DNAH5: variants seen among roughly 807,000 people sequenced by gnomAD.
DNAH5 encodes axonemal beta dynein heavy chain 5.
DNAH5 carries 372 observed loss-of-function variants against 518.2 expected under a neutral mutation model. The observed-to-expected ratio is 0.72, with a 90% CI of 0.66 to 0.78. The LOEUF (loss-of-function observed/expected upper bound fraction) is 0.78. Among genes scored for constraint, DNAH5 ranks in the 30% least tolerant of loss-of-function variants. DNAH5 has a pLI of 0.00. For synonymous variants in DNAH5, 2,039 were observed against 2,025.9 expected (o/e 1.01, Z -0.17); for missense variants, 5,523 against 5,687.0 (o/e 0.97, Z 0.93).
rs527374635 is a variant in DNAH5, at chr5:13,775,445, A to C, written c.9373+994T>G. On this transcript the variant is annotated intron_variant, in intron 55 of 78. Coordinates refer to ENST00000265104, the MANE Select transcript of DNAH5 (RefSeq NM_001369.3). ...GGATAGATAATAGACAGATAAAGAT[A>C]GATGGATAGATAATGGATCGATGGA... 4.2e-4 allele frequency among the ~76,000 whole-genome samples: 64 copies of C among 152,276 alleles called. 2 individuals carry two copies. The highest frequency in any genetic ancestry group is 1.4e-3 in the African/African-American group (60 of 41,566).
At chr5:13,698,844 T>G (rs921051844) in intron 78 of DNAH5, among the ~76,000 whole-genome samples, 3 of 152,238 alleles carry the variant, frequency 2.0e-5, no homozygotes, top group African/African-American at 7.2e-5. Context: ...CTCCAATTGT[T>G]TGCTGCTTTG....
At chr5:13,942,244 G>C (rs1190968908) in intron 1 of DNAH5, among the ~76,000 whole-genome samples, 5 of 150,274 alleles carry the variant, frequency 3.3e-5, no homozygotes, top group African/African-American at 1.3e-4. Context: ...GATATTTATG[G>C]ATAAAGTCAA....
At chr5:13,893,916 G>GAA (rs55894242) in intron 16 of DNAH5, among the ~76,000 whole-genome samples, 4,602 of 127,298 alleles carry the variant, frequency 0.036, 104 homozygotes, top group South Asian at 0.058. Context: ...GTCTTTCTGA[G>GAA]AAAAAAAAAA....
intron 69 of DNAH5, among the ~76,000 whole-genome samples, chr5:13,728,011 C>T (rs1745979909): frequency 6.6e-6 from 1 of 152,190 alleles, no homozygotes; most frequent in South Asian, 2.1e-4. Context: ...ACAAAATCTT[C>T]TCATGTCAGG....
At chr5:13,923,185 A>G (rs1777491250) in intron 4 of DNAH5, 95 bp downstream of exon 4, 2 of 1,485,014 alleles carry the variant, frequency 1.3e-6, no homozygotes, top group Non-Finnish European at 1.9e-6. Context: ...TAGATACTGT[A>G]GTGAATACAA....
rs1191173665 is a variant in DNAH5 at position 13,691,993 on chromosome 5, A to G, written c.13866T>C (p.Asp4622=). 1 of 1,614,008 alleles carries G rather than the reference A, an allele frequency of 6.2e-7. No individual in the cohort carries two copies. The highest frequency in any genetic ancestry group is 1.3e-5 in the African/African-American group (1 of 74,918). The part of the protein sequence containing the change: ...WVLRGVALLC[D]VK ...GGACACTCCCCACATGTTACTTGAC[A>G]TCACACAGAAGGGCAACCCCACGGA... Residue 4622 remains aspartate (D), a synonymous_variant, in exon 79 of 79, where the codon GAT becomes GAC. Transcript: ENST00000265104.
chr5:13,846,709 T>C (rs73055832), intron 31 of DNAH5, among the ~76,000 whole-genome samples: 1,582 of 152,274 alleles, frequency 0.01, 23 homozygotes, highest in African/African-American at 0.036. Flanking sequence ...AGCCTGGGCA[T>C]GTGGGTTGAA....
Position 13,900,362 on chromosome 5 carries a change from T to G in DNAH5, c.2103A>C (p.Pro701=). 1 of 1,614,186 alleles carries G rather than the reference T, an allele frequency of 6.2e-7. No homozygotes were observed. Among genetic ancestry groups the G allele is most frequent in the East Asian group, 2.2e-5 (1 of 44,878 alleles). ...AGTTTACAAACAATTCCCCTGTGCC[T>G]GGAGCCTTCACCAATAATGAAGCCT... The part of the protein sequence containing the change: ...GLEASLLVKA[P]GTGELFVNFD... Residue 701 remains proline (P), a synonymous_variant, in exon 15 of 79, where the codon CCA becomes CCC. Transcript: ENST00000265104.
chr5:13,758,779 C>A, intron 61 of DNAH5, 67 bp downstream of exon 61: 1 of 1,611,232 alleles, frequency 6.2e-7, no homozygotes, highest in South Asian at 1.1e-5. Flanking sequence ...CCCACAAGAA[C>A]CCAAACTCTT....
At chr5:13,928,015 C>T (rs909161290) in intron 3 of DNAH5, 79 bp downstream of exon 3, 18 of 1,261,960 alleles carry the variant, frequency 1.4e-5, no homozygotes, top group Middle Eastern at 3.7e-4. Flanking sequence ...TCCGTTCTCA[C>T]AGTAGCTTTC....
At chr5:13,791,056 C>A (rs1172748477) in intron 50 of DNAH5, among the ~76,000 whole-genome samples, 3 of 151,920 alleles carry the variant, frequency 2.0e-5, no homozygotes, top group African/African-American at 7.3e-5. Flanking sequence ...TTCACGTGTA[C>A]CCCCAAACCT....
At position 13,812,474 on chromosome 5, in the gene DNAH5, T is replaced by G. The variant is rs192166067; in HGVS notation, c.7231-651A>C. On this transcript the variant is annotated intron_variant, in intron 43 of 78. Coordinates refer to ENST00000265104, the MANE Select transcript of DNAH5 (RefSeq NM_001369.3). ...GTGCATGCCACTACACCCAGCTAAT[T>G]TTTGTAATTTTTGTCGAGACAGGGT... Among the ~76,000 whole-genome samples the G allele has an allele frequency of 1.6e-4, 25 of 152,208 alleles. No individual in the cohort carries two copies. In the East Asian group the frequency reaches 4.8e-3, roughly 29 times the overall value.
rs771586458 is a variant in DNAH5 at position 13,776,473 on chromosome 5, C to G, written c.9339G>C (p.Trp3113Cys). Residue 3113 changes from tryptophan to cysteine, a missense_variant, in exon 55 of 79, where the codon TGG (tryptophan) becomes TGC (cysteine). By Grantham distance (215) the Trp-to-Cys change is radical. Transcript: ENST00000265104. ...AAGCATCTTTGGGCCATCGGCTGAA[C>G]CAGTCAATTGTGCATCCTGAAATTA... is the stretch of plus-strand genomic sequence containing the variant. ...PALISGCTID[W>C]FSRWPKDALV... The G allele has an allele frequency of 2.5e-6, 4 of 1,613,810 alleles. No homozygotes were observed. Among genetic ancestry groups the G allele is most frequent in the Non-Finnish European group, 2.5e-6 (3 of 1,179,792 alleles).
chr5:13,989,151 T>C (rs1269506105), intron 1 of DNAH5, among the ~76,000 whole-genome samples: 1 of 152,122 alleles, frequency 6.6e-6, no homozygotes, highest in Non-Finnish European at 1.5e-5. Flanking sequence ...AATGGGTTGC[T>C]TGCAGAATGG....
At chr5:13,940,781 TTCTAAC>T (rs1203467718) in intron 1 of DNAH5, among the ~76,000 whole-genome samples, 3 of 152,192 alleles carry the variant, frequency 2.0e-5, no homozygotes, top group Admixed American at 2.0e-4. Flanking sequence ...TTTTGGGATC[TTCTAAC>T]TCTAACTTCT....
intron 67 of DNAH5, 77 bp from the exon 68 acceptor site, chr5:13,735,398 G>A: frequency 7.2e-7 from 1 of 1,382,250 alleles, no homozygotes; most frequent in South Asian, 1.2e-5. Flanking sequence ...GTCTTTAATG[G>A]AAAATAAGTA....
rs202134793 is a variant in DNAH5, at chr5:13,810,776, A to AAC, written c.7408-517_7408-516insGT. On this transcript the variant is annotated intron_variant, in intron 44 of 78. Transcript: ENST00000265104. ...GTCAAAAAACAAAACAAACAAACAA[A>AAC]AAAACAGGGTTTATCGCAGCACTGT... Among the ~76,000 whole-genome samples, 511 of 151,776 alleles carry AAC rather than the reference A, an allele frequency of 3.4e-3. 5 individuals are homozygous for AAC. Among genetic ancestry groups the AAC allele is most frequent in the African/African-American group, 0.012 (488 of 41,338 alleles).
intron 9 of DNAH5, among the ~76,000 whole-genome samples, chr5:13,914,911 G>A (rs1776462243): frequency 6.6e-6 from 1 of 152,056 alleles, no homozygotes; most frequent in Non-Finnish European, 1.5e-5. Context: ...AACAAAACAA[G>A]GAAGGATTCA....
intron 1 of DNAH5, among the ~76,000 whole-genome samples, chr5:13,953,948 T>C (rs570494702): frequency 6.6e-6 from 1 of 152,282 alleles, no homozygotes; most frequent in African/African-American, 2.4e-5. Flanking sequence ...CCTCATGTGA[T>C]CCACCCACCT....
Sources: gnomAD v4.1 joint callset for allele counts (sites outside exome capture counted in the v4.1 genomes callset) on GRCh38, gnomAD v4.1.1 for gene constraint, MANE v1.5 for transcripts, NCBI Gene and HGNC (gene_info 2026-07-23, HGNC 2026-07-21) for gene names.